The following GPR158 variants were observed in gnomAD, a reference collection of about 807,000 sequenced individuals.
GPR158 encodes G protein-coupled receptor 158, also known as metabotropic glycine receptor.
In GPR158, 30 loss-of-function variants were observed where a neutral mutation model predicts 78.2. That is an observed-to-expected ratio of 0.38 (90% confidence interval 0.29 to 0.52). The LOEUF (loss-of-function observed/expected upper bound fraction) is 0.52. GPR158 is among the 20% of genes least tolerant of loss of function. GPR158 has a pLI of 0.83. For synonymous variants in GPR158, 581 were observed against 591.1 expected, an observed-to-expected ratio of 0.98 and a Z score of 0.25; for missense variants, 1,463 against 1,523.5, an observed-to-expected ratio of 0.96 and a Z score of 0.66.
At chr10:25,356,624 T>C (rs1013508659) in intron 2 of GPR158, among the ~76,000 whole-genome samples, 2 of 152,064 alleles carry the variant, frequency 1.3e-5, no homozygotes, top group African/African-American at 4.8e-5. Context: ...CTACACAAGC[T>C]CCTTTTGCAT....
At chr10:25,345,964 T>A (rs1283935960) in intron 2 of GPR158, among the ~76,000 whole-genome samples, 1 of 151,914 alleles carries the variant, frequency 6.6e-6, no homozygotes. Context: ...CTGTGAGCAG[T>A]ATGTCCTGCT....
intron 5 of GPR158, among the ~76,000 whole-genome samples, chr10:25,514,612 TG>T (rs556612008): frequency 2.1e-4 from 32 of 152,302 alleles, no homozygotes; most frequent in African/African-American, 7.5e-4. Context: ...ATATAGGCCC[TG>T]TGAGATTTAT....
intron 2 of GPR158, among the ~76,000 whole-genome samples, chr10:25,360,278 G>T (rs1855615229): frequency 6.6e-6 from 1 of 152,034 alleles, no homozygotes; most frequent in Non-Finnish European, 1.5e-5. Flanking sequence ...GTCAATTTTG[G>T]CTTTTGTTGC....
chr10:25,236,888 T>C (rs1000624937), intron 2 of GPR158, among the ~76,000 whole-genome samples: 2 of 152,246 alleles, frequency 1.3e-5, no homozygotes, highest in Non-Finnish European at 2.9e-5. Context: ...GTCAAATGTG[T>C]ATGCATGAGT....
Position 25,572,845 on chromosome 10 carries a change from A to G in GPR158, c.1711A>G (p.Asn571Asp), listed in dbSNP as rs558681307. Residue 571 changes from asparagine (N) to aspartate (D), a missense_variant, in exon 7 of 11, where the codon AAT (asparagine) becomes GAT (aspartate). Physicochemically the swap from Asn to Asp is conservative, Grantham distance 23. Transcript: ENST00000376351. ...GAAAACATCCGATCACCTCATCTTC[A>G]ATATGTGCCTCATTGACCGCTGGGA... ...QGKTSDHLIF[N>D]MCLIDRWDYM... 1.2e-6 allele frequency: 2 copies of G among 1,613,094 alleles called. No homozygotes were observed. Among genetic ancestry groups the G allele is most frequent in the African/African-American group, 1.3e-5 (1 of 74,880 alleles).
At chr10:25,226,795 G>C (rs545252859) in intron 2 of GPR158, among the ~76,000 whole-genome samples, 1 of 152,316 alleles carries the variant, frequency 6.6e-6, no homozygotes, top group East Asian at 1.9e-4. Context: ...ATTTGCTGTT[G>C]TTAGATGGCC....
At chr10:25,191,439 C>G (rs1045266164) in intron 1 of GPR158, among the ~76,000 whole-genome samples, 8 of 152,158 alleles carry the variant, frequency 5.3e-5, no homozygotes, top group Admixed American at 2.6e-4. Flanking sequence ...ACCTGAAGAG[C>G]CTGATAATAT....
intron 4 of GPR158, among the ~76,000 whole-genome samples, chr10:25,440,648 C>T (rs1835055170): frequency 6.6e-6 from 1 of 152,086 alleles, no homozygotes; most frequent in East Asian, 1.9e-4. Context: ...AATTATTAAT[C>T]GCAAAGTGAA....
intron 2 of GPR158, among the ~76,000 whole-genome samples, chr10:25,344,515 A>G (rs557455495): frequency 6.6e-6 from 1 of 152,076 alleles, no homozygotes; most frequent in South Asian, 2.1e-4. Flanking sequence ...GAGTTTAAAA[A>G]AAAGAGGTTA....
intron 2 of GPR158, among the ~76,000 whole-genome samples, chr10:25,269,219 G>A (rs1249720015): frequency 1.3e-5 from 2 of 152,136 alleles, no homozygotes; most frequent in Non-Finnish European, 2.9e-5. Flanking sequence ...TAGGAAAATG[G>A]GAGAACATGA....
chr10:25,307,577 G>A (rs1243293510), intron 2 of GPR158, among the ~76,000 whole-genome samples: 1 of 151,540 alleles, frequency 6.6e-6, no homozygotes, highest in African/African-American at 2.4e-5. Context: ...ATTTTCCTGT[G>A]TTGCCCAGGC....
intron 2 of GPR158, among the ~76,000 whole-genome samples, chr10:25,364,476 T>C (rs533853550): frequency 6.6e-6 from 1 of 152,032 alleles, no homozygotes; most frequent in African/African-American, 2.4e-5. Flanking sequence ...CTTCTATGTA[T>C]ATCCCTGATT....
chr10:25,325,860 G>T (rs1855021958), intron 2 of GPR158, among the ~76,000 whole-genome samples: 2 of 150,602 alleles, frequency 1.3e-5, no homozygotes, highest in Admixed American at 1.3e-4. Context: ...CTGATGGTTA[G>T]TGATGTTGAA....
chr10:25,240,865 C>G (rs1853594843), intron 2 of GPR158, among the ~76,000 whole-genome samples: 1 of 152,204 alleles, frequency 6.6e-6, no homozygotes, highest in Non-Finnish European at 1.5e-5. Flanking sequence ...TATGTACCTT[C>G]ATGAAGATGC....
Position 25,479,880 on chromosome 10 carries a change from T to C in GPR158, c.1404+13161T>C, listed in dbSNP as rs529948248. The stretch of plus-strand genomic sequence containing the variant: ...ATAAGTTATGGATACATCACATTTA[T>C]ATATCTTTGTCCTTTCCCATTTTAT... On this transcript the variant is annotated intron_variant, in intron 5 of 10. Transcript: ENST00000376351. Among the ~76,000 whole-genome samples, 40 of 152,142 alleles carry C rather than the reference T, an allele frequency of 2.6e-4. 1 individual carries two copies. The highest frequency in any genetic ancestry group is 5.0e-4 in the Non-Finnish European group (34 of 68,034).
At chr10:25,408,582 T>C (rs1834545962) in intron 3 of GPR158, among the ~76,000 whole-genome samples, 1 of 152,210 alleles carries the variant, frequency 6.6e-6, no homozygotes, top group South Asian at 2.1e-4. Context: ...GACACCTTTA[T>C]CTTACTCAGT....
At chr10:25,576,200 C>G (rs1837093419) in intron 7 of GPR158, among the ~76,000 whole-genome samples, 1 of 152,114 alleles carries the variant, frequency 6.6e-6, no homozygotes, top group Non-Finnish European at 1.5e-5. Context: ...TATCCCTTAT[C>G]CCCTAACCCC....
At chr10:25,581,236 T>G (rs1403809665) in intron 7 of GPR158, among the ~76,000 whole-genome samples, 1 of 151,936 alleles carries the variant, frequency 6.6e-6, no homozygotes, top group Non-Finnish European at 1.5e-5. Flanking sequence ...CGCTAATTTT[T>G]AAAACATTAT....
chr10:25,375,301 C>G (rs533038273), intron 2 of GPR158, among the ~76,000 whole-genome samples: 3 of 151,598 alleles, frequency 2.0e-5, no homozygotes, highest in African/African-American at 7.2e-5. Context: ...GGTTGCTTGC[C>G]ATCATTTCTC....
Sources: gnomAD v4.1 joint callset for allele counts (sites outside exome capture counted in the v4.1 genomes callset) on GRCh38, gnomAD v4.1.1 for gene constraint, MANE v1.5 for transcripts, NCBI Gene and HGNC (gene_info 2026-07-23, HGNC 2026-07-21) for gene names.